PPP2R3A: variants seen among roughly 807,000 people sequenced by gnomAD.
The protein encoded by PPP2R3A is protein phosphatase 2 regulatory subunit B''alpha.
Under a neutral mutation model 106.9 loss-of-function variants are expected in PPP2R3A, and 80 were observed. The ratio of observed to expected loss-of-function variants is 0.75; its 90% CI spans 0.62 to 0.90. The LOEUF is 0.90. PPP2R3A is among the 40% of genes least tolerant of loss of function. PPP2R3A has a pLI of 0.00. For synonymous variants in PPP2R3A, 483 were observed against 468.3 expected (o/e 1.03, Z -0.41); for missense variants, 1,386 against 1,350.4 (o/e 1.03, Z -0.41).
At position 136,057,077 on chromosome 3, in the gene PPP2R3A, CACA is replaced by C. The variant is rs386666177; in HGVS notation, c.2469+7717_2469+7719del. On this transcript the variant is annotated intron_variant, in intron 5 of 13. Coordinates refer to ENST00000264977, the MANE Select transcript of PPP2R3A (RefSeq NM_002718.5). Reference sequence around the variant, plus strand: ...GGATGCAGAGAAAGAGGACCCCCCCCACACACACCGTTGGTGGGAATGTAAATT... The same window carrying C: ...GGATGCAGAGAAAGAGGACCCCCCCCCACACCGTTGGTGGGAATGTAAATT... Among the ~76,000 whole-genome samples the C allele has an allele frequency of 4.4e-4, 66 of 151,074 alleles. 1 individual carries two copies. Among genetic ancestry groups the C allele is most frequent in the Non-Finnish European group, 5.9e-4 (40 of 67,590 alleles).
chr3:136,094,392 CT>C (rs1396923604), intron 10 of PPP2R3A, among the ~76,000 whole-genome samples: 1 of 151,778 alleles, frequency 6.6e-6, no homozygotes, highest in Non-Finnish European at 1.5e-5. Flanking sequence ...TTTGGTAAGC[CT>C]GTTTAAAAAA....
intron 1 of PPP2R3A, among the ~76,000 whole-genome samples, chr3:136,000,805 A>G (rs1193673107): frequency 1.3e-5 from 2 of 152,224 alleles, no homozygotes; most frequent in African/African-American, 4.8e-5. Context: ...TTAATATCAT[A>G]TAAGGTGGCA....
In PPP2R3A at chr3:135,979,372, C is replaced by CA. The variant is rs58845726; in HGVS notation, c.-441+13536dup. The stretch of plus-strand genomic sequence containing the variant: ...CCAGTGACAGAAGGAGACTCCATCT[C>CA]AAAAAAAAAAAAAGATTTATTTGTC... On this transcript the variant is annotated intron_variant, in intron 1 of 13. Transcript: ENST00000264977. Among the ~76,000 whole-genome samples the CA allele has an allele frequency of 7.3e-3, 943 of 129,264 alleles. 14 individuals are homozygous for CA. Among genetic ancestry groups the CA allele is most frequent in the African/African-American group, 0.021 (747 of 35,134 alleles). The allele number at this position is 129,264 out of a possible 152,430, so 84.8% of individuals were successfully genotyped here. A position where few individuals can be genotyped will look rare whatever the true frequency, so the allele number is the denominator to read the frequency against.
chr3:136,079,746 CTTT>C (rs79330361), intron 7 of PPP2R3A, among the ~76,000 whole-genome samples: 3 of 142,510 alleles, frequency 2.1e-5, no homozygotes, highest in Admixed American at 7.1e-5. Flanking sequence ...AAAATTAATC[CTTT>C]TTTTTTTTTT....
At chr3:136,112,665 A>T (rs530341740) in intron 13 of PPP2R3A, among the ~76,000 whole-genome samples, 11 of 152,350 alleles carry the variant, frequency 7.2e-5, no homozygotes, top group African/African-American at 2.6e-4. Flanking sequence ...TTCTATGCTC[A>T]TGGATAGCAA....
At chr3:136,073,058 C>T (rs1331665542) in intron 6 of PPP2R3A, among the ~76,000 whole-genome samples, 1 of 152,204 alleles carries the variant, frequency 6.6e-6, no homozygotes, top group African/African-American at 2.4e-5. Flanking sequence ...AGCTCCACCT[C>T]TCGGGTTCAC....
At chr3:136,086,183 G>A (rs971740868) in intron 8 of PPP2R3A, among the ~76,000 whole-genome samples, 1 of 150,868 alleles carries the variant, frequency 6.6e-6, no homozygotes, top group Admixed American at 6.6e-5. Context: ...AGAGCTTTGC[G>A]TATTTAAGAA....
chr3:135,989,679 T>G (rs1178568205), intron 1 of PPP2R3A, among the ~76,000 whole-genome samples: 1 of 152,134 alleles, frequency 6.6e-6, no homozygotes, highest in East Asian at 1.9e-4. Context: ...CTCATTTGCT[T>G]GTTGCTTGCT....
intron 9 of PPP2R3A, among the ~76,000 whole-genome samples, chr3:136,089,472 T>C (rs182924501): frequency 3.9e-5 from 6 of 152,244 alleles, no homozygotes; most frequent in Admixed American, 3.3e-4. Context: ...CCATGCTGTT[T>C]TGGATACAGT....
At chr3:136,075,378 A>G (rs1167795204) in intron 6 of PPP2R3A, among the ~76,000 whole-genome samples, 1 of 152,210 alleles carries the variant, frequency 6.6e-6, no homozygotes, top group Non-Finnish European at 1.5e-5. Context: ...TAATTAGTGT[A>G]GAGTCAGCAG....
chr3:136,028,459 T>C (rs1319372355), intron 3 of PPP2R3A, among the ~76,000 whole-genome samples: 1 of 152,242 alleles, frequency 6.6e-6, no homozygotes, highest in African/African-American at 2.4e-5. Context: ...ATTTTACTTA[T>C]GAGGGAACTG....
chr3:135,974,835 T>G (rs1444348115), intron 1 of PPP2R3A, among the ~76,000 whole-genome samples: 1 of 152,262 alleles, frequency 6.6e-6, no homozygotes, highest in Non-Finnish European at 1.5e-5. Flanking sequence ...TGAAAACTGC[T>G]TCTCTGTGAG....
At position 136,114,312 on chromosome 3, in the gene PPP2R3A, G is replaced by A. The variant is rs144491828; in HGVS notation, c.3329+7990G>A. Among the ~76,000 whole-genome samples, 219 of 152,330 alleles carry A rather than the reference G, an allele frequency of 1.4e-3. 3 individuals are homozygous for A. Among genetic ancestry groups the A allele is most frequent in the African/African-American group, 4.6e-3 (193 of 41,578 alleles). ...CCAGTGCCTACACCACCAGGGCCCTGAGTTTCAAGCACAAAACTGGGCAGC... is the reference window on the plus strand; with the variant it reads ...CCAGTGCCTACACCACCAGGGCCCTAAGTTTCAAGCACAAAACTGGGCAGC... On this transcript the variant is annotated intron_variant, in intron 13 of 13. Coordinates refer to ENST00000264977, the MANE Select transcript of PPP2R3A (RefSeq NM_002718.5).
At chr3:136,003,876 G>A (rs758481567) in intron 2 of PPP2R3A, among the ~76,000 whole-genome samples, 5 of 152,142 alleles carry the variant, frequency 3.3e-5, no homozygotes, top group African/African-American at 4.8e-5. Flanking sequence ...TTTAATATTA[G>A]TCGTCACCCT....
intron 5 of PPP2R3A, among the ~76,000 whole-genome samples, chr3:136,051,038 G>T (rs1388447082): frequency 6.6e-6 from 1 of 152,034 alleles, no homozygotes; most frequent in Non-Finnish European, 1.5e-5. Context: ...CCTTCCCATG[G>T]GAATCAGTTA....
chr3:136,001,129 TACTACCA>T lies in PPP2R3A; in HGVS notation c.-365_-359del, dbSNP rs1422352629. 1 of 403,992 alleles carries T rather than the reference TACTACCA, an allele frequency of 2.5e-6. No homozygotes were observed. Among genetic ancestry groups the T allele is most frequent in the Admixed American group, 4.3e-5 (1 of 23,456 alleles). The allele number at this position is 403,992 out of a possible 1,614,324, so 25.0% of individuals were successfully genotyped here. A position where few individuals can be genotyped will look rare whatever the true frequency, so the allele number is the denominator to read the frequency against. ...GGACTCAGTTATCACAATACTTCTC[TACTACCA>T]ACTAAGATTTATGATAGTAAATTTA... On this transcript the variant is annotated 5_prime_UTR_variant, in exon 2 of 14. An upstream open reading frame in the 5' UTR loses its in-frame stop. Coordinates refer to ENST00000264977, the MANE Select transcript of PPP2R3A (RefSeq NM_002718.5).
chr3:136,044,365 T>C (rs1935398801), intron 4 of PPP2R3A, among the ~76,000 whole-genome samples: 1 of 151,858 alleles, frequency 6.6e-6, no homozygotes, highest in Non-Finnish European at 1.5e-5. Context: ...TTGAGGGCGG[T>C]TGGGATACAA....
At chr3:136,117,743 A>C (rs1429392115) in intron 13 of PPP2R3A, among the ~76,000 whole-genome samples, 1 of 152,194 alleles carries the variant, frequency 6.6e-6, no homozygotes, top group Non-Finnish European at 1.5e-5. Flanking sequence ...AATACCCTAC[A>C]AACCAAAAAA....
At chr3:135,995,918 A>C (rs570960156) in intron 1 of PPP2R3A, among the ~76,000 whole-genome samples, 1 of 152,308 alleles carries the variant, frequency 6.6e-6, no homozygotes, top group African/African-American at 2.4e-5. Flanking sequence ...ACCGATGTTT[A>C]TACTTTCTTT....
Sources: allele counts gnomAD v4.1 joint callset (sites outside exome capture counted in the v4.1 genomes callset), GRCh38; gene constraint gnomAD v4.1.1; transcripts MANE v1.5; gene names NCBI Gene and HGNC (gene_info 2026-07-23, HGNC 2026-07-21).